The following UBXN2A variants were observed in gnomAD, a reference collection of about 807,000 sequenced individuals.
The protein encoded by UBXN2A is UBX domain protein 2A.
UBXN2A carries 28 observed loss-of-function variants against 28.4 expected under a neutral mutation model. That is an observed-to-expected ratio of 0.99 (90% CI 0.73 to 1.35). The LOEUF is 1.35. UBXN2A is among the 40% of genes most tolerant of loss of function. The pLI is 0.00. For missense variants in UBXN2A, 253 were observed against 297.9 expected, an observed-to-expected ratio of 0.85 and a Z score of 1.11; for synonymous variants, 97 against 103.6, an observed-to-expected ratio of 0.94 and a Z score of 0.39.
At chr2:23,940,110 CA>C (rs70941601), upstream of UBXN2A, among the ~76,000 whole-genome samples, 48,016 of 103,750 alleles carry the variant, frequency 0.46, 9,223 homozygotes, top group East Asian at 0.73. Flanking sequence ...GATTTAGTCT[CA>C]AAAAAAAAAA....
intron 1 of UBXN2A, chr2:23,944,499 C>G: frequency 1.6e-6 from 1 of 607,510 alleles, no homozygotes; most frequent in Non-Finnish European, 3.1e-6. Context: ...CAGTACAGTA[C>G]CTTGTAGACC....
chr2:23,971,737 G>T (rs904832576), intron 3 of UBXN2A, among the ~76,000 whole-genome samples: 1 of 151,982 alleles, frequency 6.6e-6, no homozygotes, highest in Admixed American at 6.6e-5. Context: ...TAGTTCTCCT[G>T]CCTTGGTTTC....
chr2:23,975,514 A>G (rs1707619505), intron 3 of UBXN2A, among the ~76,000 whole-genome samples: 1 of 152,240 alleles, frequency 6.6e-6, no homozygotes, highest in East Asian at 1.9e-4. Flanking sequence ...GTGTTTGTGA[A>G]AAATCCTTTC....
chr2:24,002,199 G>T lies in UBXN2A; in HGVS notation c.*2332G>T, dbSNP rs1708735907. The T allele has an allele frequency of 6.6e-6, 1 of 152,054 alleles. No homozygotes were observed. Among genetic ancestry groups the T allele is most frequent in the Admixed American group, 6.6e-5 (1 of 15,244 alleles). 9.4% of individuals were successfully genotyped at this position (152,054 alleles called of 1,614,324 possible). A position where few individuals can be genotyped will look rare whatever the true frequency, so the allele number is the denominator to read the frequency against. ...GCGGGCAGATCACCTGAGGTCAGGAGTTCGAGACCAGCCTGGTCAATGTGG... is the reference window on the plus strand; with the variant it reads ...GCGGGCAGATCACCTGAGGTCAGGATTTCGAGACCAGCCTGGTCAATGTGG... On this transcript the variant is annotated 3_prime_UTR_variant, in exon 7 of 7. Coordinates refer to ENST00000309033, the MANE Select transcript of UBXN2A (RefSeq NM_181713.4).
At chr2:23,963,694 T>C (rs1003463178) in intron 2 of UBXN2A, among the ~76,000 whole-genome samples, 9 of 152,086 alleles carry the variant, frequency 5.9e-5, no homozygotes, top group East Asian at 5.8e-4. Flanking sequence ...ACACTGTTGA[T>C]GGGGATGCAA....
chr2:23,939,487 G>A (rs1705642511), upstream of UBXN2A: 1 of 152,366 alleles, frequency 6.6e-6, no homozygotes, highest in African/African-American at 2.4e-5. Flanking sequence ...GACTGGAGGT[G>A]GCAGCGATGA....
At chr2:23,967,813 G>C (rs1707236902) in intron 2 of UBXN2A, among the ~76,000 whole-genome samples, 1 of 152,158 alleles carries the variant, frequency 6.6e-6, no homozygotes, top group Non-Finnish European at 1.5e-5. Context: ...ACTTTGTGAT[G>C]ATATGGAGTA....
intron 2 of UBXN2A, among the ~76,000 whole-genome samples, chr2:23,960,030 A>G (rs1357436042): frequency 2.0e-5 from 3 of 152,046 alleles, no homozygotes; most frequent in African/African-American, 4.8e-5. Flanking sequence ...AGGCGGGTGG[A>G]TCACGAAGTC....
chr2:23,971,532 A>C, intron 3 of UBXN2A, 118 bp downstream of exon 3: 1 of 1,163,080 alleles, frequency 8.6e-7, no homozygotes, highest in Non-Finnish European at 1.2e-6. Flanking sequence ...TCTGTCACCC[A>C]GACTGGAGTG....
chr2:23,963,825 A>G (rs115598700), intron 2 of UBXN2A, among the ~76,000 whole-genome samples: 349 of 152,300 alleles, frequency 2.3e-3, no homozygotes, highest in African/African-American at 8.2e-3. Flanking sequence ...ATCCAAAGGA[A>G]TTGGAATCAG....
chr2:23,972,095 A>G (rs779520129), intron 3 of UBXN2A, among the ~76,000 whole-genome samples: 1 of 151,668 alleles, frequency 6.6e-6, no homozygotes, highest in Non-Finnish European at 1.5e-5. Context: ...TGAGACCCTG[A>G]CTGATAAGGT....
intron 2 of UBXN2A, among the ~76,000 whole-genome samples, chr2:23,966,420 C>A (rs1391421551): frequency 6.6e-6 from 1 of 151,128 alleles, no homozygotes; most frequent in Non-Finnish European, 1.5e-5. Context: ...CAGGCGTGAG[C>A]CACCGCACCT....
chr2:23,959,103 G>C lies in UBXN2A; in HGVS notation c.41+748G>C, dbSNP rs1372896935. Among the ~76,000 whole-genome samples, 7 of 152,220 alleles carry C rather than the reference G, an allele frequency of 4.6e-5. No homozygotes were observed. In the South Asian group the frequency reaches 1.0e-3, roughly 23 times the overall value. ...CTGCCACAGCCTCTCAAAATGCTAG[G>C]ATTATAAGCGTGAGCCACCATGCTT... On this transcript the variant is annotated intron_variant, in intron 2 of 6. Transcript: ENST00000309033.
chr2:23,980,962 T>A (rs142996572), intron 4 of UBXN2A, among the ~76,000 whole-genome samples: 26 of 152,266 alleles, frequency 1.7e-4, no homozygotes, highest in African/African-American at 6.0e-4. Flanking sequence ...TGCCTTTTTG[T>A]TAAGTTGTAA....
intron 2 of UBXN2A, among the ~76,000 whole-genome samples, chr2:23,964,459 C>T (rs1028116782): frequency 6.6e-5 from 10 of 152,206 alleles, no homozygotes; most frequent in African/African-American, 2.2e-4. Context: ...ATCCGCCTGC[C>T]TCGACCTCCC....
At position 23,943,026 on chromosome 2, in the gene UBXN2A, G is replaced by A. The variant is rs544412923; in HGVS notation, c.-15+2378G>A. Among the ~76,000 whole-genome samples, 39 of 150,210 alleles carry A rather than the reference G, an allele frequency of 2.6e-4. 1 individual carries two copies. The highest frequency in any genetic ancestry group is 9.1e-4 in the African/African-American group (37 of 40,762). ...GCAGGAGTGCTGTGGTGCAATCTCC[G>A]CTCACTGCAACCTCTGCCTCCCGGG... On this transcript the variant is annotated intron_variant, in intron 1 of 6. Coordinates refer to ENST00000309033, the MANE Select transcript of UBXN2A (RefSeq NM_181713.4).
chr2:23,931,839 C>T (rs10201116), intron 1 of UBXN2A, among the ~76,000 whole-genome samples: 1,886 of 152,086 alleles, frequency 0.012, 35 homozygotes, highest in African/African-American at 0.043. Flanking sequence ...AGTGAAACCC[C>T]GTCTCTACTA....
upstream of UBXN2A, among the ~76,000 whole-genome samples, chr2:23,940,136 TG>T (rs1381968711): frequency 7.8e-6 from 1 of 128,054 alleles, no homozygotes; most frequent in African/African-American, 3.0e-5. Flanking sequence ...AAAAGGTGGG[TG>T]GGGGTTTCTT....
At chr2:23,977,315 A>T in intron 4 of UBXN2A, 2 of 125,886 alleles carry the variant, frequency 1.6e-5, no homozygotes, top group Non-Finnish European at 3.1e-5. Flanking sequence ...CAACAGCACG[A>T]TGCCCTGTCT....
Sources: gnomAD v4.1 joint callset for allele counts (sites outside exome capture counted in the v4.1 genomes callset) on GRCh38, gnomAD v4.1.1 for gene constraint, MANE v1.5 for transcripts, NCBI Gene and HGNC (gene_info 2026-07-23, HGNC 2026-07-21) for gene names.